ATAD2B: variants seen among roughly 807,000 people sequenced by gnomAD.
ATAD2B encodes ATPase family AAA domain-containing protein 2B.
A neutral mutation model predicts 167.6 loss-of-function variants in ATAD2B; 40 were observed. The ratio of observed to expected loss-of-function variants is 0.24; its 90% CI spans 0.19 to 0.31. The LOEUF (loss-of-function observed/expected upper bound fraction) is 0.31, where lower values mean the gene tolerates loss of function less well. ATAD2B is among the 10% of genes least tolerant of loss of function. ATAD2B has a pLI of 1.00. For missense variants in ATAD2B, 1,242 were observed against 1,757.2 expected, an observed-to-expected ratio of 0.71 and a Z score of 5.24; for synonymous variants, 579 against 596.5, an observed-to-expected ratio of 0.97 and a Z score of 0.43.
At chr2:23,815,974 A>G (rs577651721) in intron 17 of ATAD2B, among the ~76,000 whole-genome samples, 4 of 152,310 alleles carry the variant, frequency 2.6e-5, no homozygotes, top group Admixed American at 1.3e-4. Context: ...ATCTTACCCT[A>G]TTTTGTTCAC....
At position 23,753,647 on chromosome 2, in the gene ATAD2B, C is replaced by G. The variant is rs188564564; in HGVS notation, c.4335+532G>C. Among the ~76,000 whole-genome samples, 41 of 152,268 alleles carry G rather than the reference C, an allele frequency of 2.7e-4. No individual in the cohort carries two copies. In the East Asian group the frequency reaches 7.7e-3, roughly 29 times the overall value. ...GGGAATGTCTCATCTCTAAAAGTAT[C>G]TCAGCAAAAGGACAGTCGCTCCTTC... On this transcript the variant is annotated intron_variant, in intron 27 of 27. Transcript: ENST00000238789.
intron 18 of ATAD2B, among the ~76,000 whole-genome samples, chr2:23,807,043 T>C (rs986284203): frequency 5.3e-5 from 8 of 152,224 alleles, no homozygotes; most frequent in African/African-American, 1.7e-4. Flanking sequence ...TGGCTCTCTC[T>C]ATGCAGATGA....
intron 20 of ATAD2B, 133 bp from the exon 21 acceptor site, chr2:23,786,356 T>G (rs1680808971): frequency 1.3e-6 from 1 of 784,146 alleles, no homozygotes; most frequent in South Asian, 1.9e-5. Flanking sequence ...CAGGGATACA[T>G]TCTAAGAAAT....
In ATAD2B at chr2:23,757,767, T is replaced by C. The variant is rs1676121999; in HGVS notation, c.3729A>G (p.Leu1243=). Residue 1243 remains leucine, a synonymous_variant, in exon 25 of 28, where the codon CTA becomes CTG. Transcript: ENST00000238789. The part of the protein sequence containing the change: ...STEEESSNES[L]LVNSSSSLNP... ...TTAAGGAACTGCTGCTGTTGACCAG[T>C]AGAGATTCATTTGAACTTTCCTCCT... The C allele has an allele frequency of 6.3e-7, 1 of 1,587,624 alleles. No individual in the cohort carries two copies. Among genetic ancestry groups the C allele is most frequent in the South Asian group, 1.2e-5 (1 of 86,252 alleles).
chr2:23,893,598 A>G lies in ATAD2B; in HGVS notation c.368+2221T>C, dbSNP rs183683630. Among the ~76,000 whole-genome samples, 4 of 151,928 alleles carry G rather than the reference A, an allele frequency of 2.6e-5. No individual in the cohort carries two copies. In the East Asian group the frequency reaches 7.7e-4, roughly 29 times the overall value. On this transcript the variant is annotated intron_variant, in intron 2 of 27. Transcript: ENST00000238789. ...TATTTTCAGGTCATCTGAAACATCAAAAGATTTTAATTCTAAAAGTTTAAC... is the reference window on the plus strand; with the variant it reads ...TATTTTCAGGTCATCTGAAACATCAGAAGATTTTAATTCTAAAAGTTTAAC...
chr2:23,696,149 G>T, the ATAD2B span: 1 of 1,548,456 alleles, frequency 6.5e-7, no homozygotes, highest in Non-Finnish European at 8.7e-7. This position sits in a 1 kb window ranked among gnomAD's most constrained non-coding sequence, Gnocchi z 5.5. Flanking sequence ...GCCCCCCGGG[G>T]TTGGGGCGGG....
Position 23,762,273 on chromosome 2 carries a change from C to T in ATAD2B, c.3330G>A (p.Glu1110=). 1 of 1,613,536 alleles carries T rather than the reference C, an allele frequency of 6.2e-7. No individual in the cohort carries two copies. The highest frequency in any genetic ancestry group is 8.5e-7 in the Non-Finnish European group (1 of 1,179,740). ...GARKTETRVE[E]AFRHKQRNPM... ...GATTTCTTTGTTTGTGCCGAAATGC[C>T]TCTTCGACTCTAGTTTCTGTCTTCC... The change falls in exon 24 of 28, where the codon GAG becomes GAA. Residue 1110 remains glutamate (E), a synonymous_variant. Coordinates refer to ENST00000238789, the MANE Select transcript of ATAD2B (RefSeq NM_017552.4).
intron 17 of ATAD2B, among the ~76,000 whole-genome samples, chr2:23,816,307 T>C (rs1686444253): frequency 6.6e-6 from 1 of 152,194 alleles, no homozygotes; most frequent in Non-Finnish European, 1.5e-5. Context: ...AAAATTTACC[T>C]TATGCTTTGA....
chr2:23,691,498 GAC>G, the ATAD2B span: 1 of 608,956 alleles, frequency 1.6e-6, no homozygotes, highest in African/African-American at 1.8e-5. Flanking sequence ...TCTCTGGTCA[GAC>G]TCTTCTCTTT....
chr2:23,752,422 T>C (rs906596603), intron 27 of ATAD2B, among the ~76,000 whole-genome samples: 1 of 151,156 alleles, frequency 6.6e-6, no homozygotes, highest in Non-Finnish European at 1.5e-5. Flanking sequence ...TAAGTTATTA[T>C]GCCAGATATT....
chr2:23,822,372 TAAAC>T (rs925426353), intron 16 of ATAD2B, among the ~76,000 whole-genome samples: 5 of 151,604 alleles, frequency 3.3e-5, no homozygotes, highest in Non-Finnish European at 5.9e-5. Context: ...CCATCTCTAC[TAAAC>T]AAACAAACAA....
chr2:23,879,713 C>T, intron 7 of ATAD2B, among the ~76,000 whole-genome samples: 1 of 152,084 alleles, frequency 6.6e-6, no homozygotes. Context: ...CAGCCGTATA[C>T]TATTTTTGTG....
At chr2:23,688,768 A>G in the ATAD2B span, 5 of 152,404 alleles carry the variant, frequency 3.3e-5, no homozygotes, top group African/African-American at 9.6e-5. Flanking sequence ...AGTCCCTCCA[A>G]AGCCACATCA....
At chr2:23,829,462 T>C (rs1688717682) in intron 14 of ATAD2B, among the ~76,000 whole-genome samples, 1 of 152,192 alleles carries the variant, frequency 6.6e-6, no homozygotes, top group Admixed American at 6.5e-5. Flanking sequence ...TAATTAAATA[T>C]CATGCATGCC....
intron 17 of ATAD2B, among the ~76,000 whole-genome samples, chr2:23,812,890 ACATGTT>A: frequency 1.3e-5 from 2 of 152,216 alleles, no homozygotes. Context: ...ATGCATTCAA[ACATGTT>A]TTAGTAACAA....
chr2:23,914,881 T>C (rs916983038), intron 1 of ATAD2B, among the ~76,000 whole-genome samples: 9 of 151,804 alleles, frequency 5.9e-5, no homozygotes, highest in African/African-American at 2.2e-4. Flanking sequence ...TATACTCCTA[T>C]GAGTGGAGAT....
chr2:23,872,152 A>T, intron 8 of ATAD2B: 1 of 282,036 alleles, frequency 3.5e-6, no homozygotes, highest in Non-Finnish European at 7.0e-6. Flanking sequence ...CTGGGATTAC[A>T]GGCATGAGCC....
chr2:23,743,930 T>C (rs909882554), downstream of ATAD2B, among the ~76,000 whole-genome samples: 6 of 152,190 alleles, frequency 3.9e-5, no homozygotes, highest in African/African-American at 1.2e-4. Flanking sequence ...CTCATGATTA[T>C]ACATAAAAAA....
At chr2:23,884,901 G>T in intron 5 of ATAD2B, 28 bp from the exon 6 acceptor site, 1 of 1,394,056 alleles carries the variant, frequency 7.2e-7, no homozygotes, top group Non-Finnish European at 9.8e-7. Flanking sequence ...CTGTCAAATA[G>T]CAACATGACA....
Sources: allele counts gnomAD v4.1 joint callset (sites outside exome capture counted in the v4.1 genomes callset), GRCh38; gene constraint gnomAD v4.1.1; non-coding constraint Gnocchi (gnomAD v3.1); transcripts MANE v1.5; gene names NCBI Gene and HGNC (gene_info 2026-07-23, HGNC 2026-07-21).